GRAMD4: variants seen among roughly 807,000 people sequenced by gnomAD.
GRAMD4 encodes GRAM domain containing 4.
Under a neutral mutation model 83.9 loss-of-function variants are expected in GRAMD4, and 25 were observed. That is an observed-to-expected ratio of 0.30 (90% CI 0.22 to 0.42). The LOEUF (loss-of-function observed/expected upper bound fraction) is 0.42. Among genes scored for constraint, GRAMD4 ranks in the 10% least tolerant of loss-of-function variants. The pLI is 1.00. For missense variants in GRAMD4, 593 were observed against 788.7 expected (o/e 0.75, Z 2.97); for synonymous variants, 336 against 320.9 (o/e 1.05, Z -0.50).
chr22:46,632,758 G>A (rs1006809727), intron 2 of GRAMD4, among the ~76,000 whole-genome samples: 3 of 152,248 alleles, frequency 2.0e-5, no homozygotes, highest in African/African-American at 4.8e-5. Context: ...CCAGGACTGG[G>A]TGGAGACCGT....
At chr22:46,640,596 G>A (rs1000718763) in intron 3 of GRAMD4, among the ~76,000 whole-genome samples, 35 of 152,278 alleles carry the variant, frequency 2.3e-4, no homozygotes, top group African/African-American at 8.2e-4. Flanking sequence ...TTGGTAGCTC[G>A]TGAAGTAAAA....
At chr22:46,576,995 C>CG (rs1291611212), upstream of GRAMD4, 10 of 145,282 alleles carry the variant, frequency 6.9e-5, no homozygotes, top group South Asian at 2.1e-4. Context: ...GGCCGCGGGG[C>CG]GGGGGCGGGG....
downstream of GRAMD4, among the ~76,000 whole-genome samples, chr22:46,680,118 G>A (rs920359726): frequency 6.6e-6 from 1 of 152,210 alleles, no homozygotes; most frequent in Non-Finnish European, 1.5e-5. Flanking sequence ...AGTGGGGGAG[G>A]TTGAGGCAGA....
rs1227567764 is a variant in GRAMD4, at chr22:46,620,915, C to A, written c.-50+350C>A. Among the ~76,000 whole-genome samples the A allele has an allele frequency of 6.6e-6, 1 of 151,764 alleles. No homozygotes were observed. Among genetic ancestry groups the A allele is most frequent in the African/African-American group, 2.4e-5 (1 of 41,372 alleles). ...GAGGCCGATCTGAGAGGGAGGGAGG[C>A]CCATCCGAGAGGGAGGAGGCCGATC... On this transcript the variant is annotated intron_variant, in intron 1 of 18. Transcript: ENST00000406902. The surrounding 1 kb of genome is among the most constrained non-coding windows in gnomAD (Gnocchi z 4.7).
At chr22:46,639,856 T>C (rs1039913810) in intron 3 of GRAMD4, among the ~76,000 whole-genome samples, 2 of 152,160 alleles carry the variant, frequency 1.3e-5, no homozygotes, top group Non-Finnish European at 2.9e-5. Context: ...GAGCCTTAGG[T>C]TGCATAGAGC....
At chr22:46,640,886 A>G (rs1046064380) in intron 3 of GRAMD4, among the ~76,000 whole-genome samples, 2 of 151,098 alleles carry the variant, frequency 1.3e-5, no homozygotes, top group African/African-American at 2.4e-5. Context: ...TTCAGCTGTA[A>G]ATATTTCAGT....
In GRAMD4 at chr22:46,593,610, T is replaced by G. The variant is rs186716035; in HGVS notation, c.-50+16320T>G. Among the ~76,000 whole-genome samples, 66 of 152,322 alleles carry G rather than the reference T, an allele frequency of 4.3e-4. 1 individual carries two copies. Among genetic ancestry groups the G allele is most frequent in the African/African-American group, 1.5e-3 (63 of 41,562 alleles). On this transcript the variant is annotated intron_variant, in intron 1 of 1. Coordinates refer to the GRAMD4 transcript ENST00000431155. ...GGGAGGAGGCTTGTGGGCTGAGACC[T>G]CTTCCCTTTTTCATCATTTGGGCTT...
intron 3 of GRAMD4, among the ~76,000 whole-genome samples, chr22:46,655,271 T>C (rs1319998572): frequency 1.8e-5 from 1 of 56,026 alleles, no homozygotes; most frequent in African/African-American, 6.8e-5. Flanking sequence ...AGGCTGGGAG[T>C]GGGTGGGTGG....
upstream of GRAMD4, among the ~76,000 whole-genome samples, chr22:46,619,648 C>A (rs1056106927): frequency 2.0e-5 from 3 of 152,222 alleles, no homozygotes; most frequent in African/African-American, 7.2e-5. Context: ...CCCGGTCCTC[C>A]TGTTCACTCT....
chr22:46,656,424 GCT>G (rs2082245813), intron 3 of GRAMD4, among the ~76,000 whole-genome samples: 1 of 152,240 alleles, frequency 6.6e-6, no homozygotes, highest in Non-Finnish European at 1.5e-5. Flanking sequence ...ACCCGCGGCT[GCT>G]CCCTGCCTGG....
chr22:46,654,840 G>A lies in GRAMD4; in HGVS notation c.284-3347G>A, dbSNP rs528337661. On this transcript the variant is annotated intron_variant, in intron 3 of 18. Transcript: ENST00000406902. ...GTCCCTCCTCCGGAACCTGTGGGGT[G>A]TGTTGGGCACAAGTCAGGGAGGCCT... Among the ~76,000 whole-genome samples, 3 of 152,352 alleles carry A rather than the reference G, an allele frequency of 2.0e-5. No individual in the cohort carries two copies. In the South Asian group the frequency reaches 6.2e-4, roughly 32 times the overall value.
chr22:46,637,833 C>A lies in GRAMD4; in HGVS notation c.163-7C>A. On this transcript the variant is annotated splice_region_variant and splice_polypyrimidine_tract_variant and intron_variant, in intron 2 of 18. Coordinates refer to ENST00000406902, the MANE Select transcript of GRAMD4 (RefSeq NM_015124.5). ...GCCCCTTTGAGCTTTTGGTGTTTTT[C>A]TTCTAGGCTGGTCCAGGGACCCTCA... 6.2e-7 allele frequency: 1 copy of A among 1,613,862 alleles called. No individual in the cohort carries two copies. The highest frequency in any genetic ancestry group is 8.5e-7 in the Non-Finnish European group (1 of 1,179,830).
intron 3 of GRAMD4, among the ~76,000 whole-genome samples, chr22:46,647,181 G>A (rs1251451354): frequency 6.6e-6 from 1 of 152,168 alleles, no homozygotes; most frequent in Non-Finnish European, 1.5e-5. Flanking sequence ...ACTGTGAGTG[G>A]GTGACCCAGA....
chr22:46,668,941 G>A (rs778097904), intron 13 of GRAMD4, 33 bp downstream of exon 13: 12 of 1,235,694 alleles, frequency 9.7e-6, no homozygotes, highest in Admixed American at 3.4e-5. Flanking sequence ...TGTAGCTTCA[G>A]GAGGAGGGAC....
At chr22:46,617,213 C>T (rs549877587), upstream of GRAMD4, among the ~76,000 whole-genome samples, 587 of 118,938 alleles carry the variant, frequency 4.9e-3, 5 homozygotes, top group African/African-American at 0.018. Context: ...TTCCCCTGTG[C>T]GTGTGGGTTC....
intron 1 of GRAMD4, among the ~76,000 whole-genome samples, chr22:46,607,038 G>A (rs1012908869): frequency 2.2e-4 from 34 of 152,330 alleles, no homozygotes; most frequent in African/African-American, 7.2e-4. Context: ...AATCCAGTGA[G>A]TCCAGAGCTC....
chr22:46,611,723 G>A (rs1246003067), intron 1 of GRAMD4, among the ~76,000 whole-genome samples: 1 of 151,874 alleles, frequency 6.6e-6, no homozygotes, highest in Non-Finnish European at 1.5e-5. Context: ...GGGTGTGGTG[G>A]CTCATGCCTG....
intron 1 of GRAMD4, among the ~76,000 whole-genome samples, chr22:46,604,772 G>A (rs1197171520): frequency 6.6e-6 from 1 of 152,124 alleles, no homozygotes; most frequent in Non-Finnish European, 1.5e-5. Flanking sequence ...GTTCACCCAG[G>A]TCTTGGTGCC....
chr22:46,658,919 G>T (rs937084587), intron 4 of GRAMD4, among the ~76,000 whole-genome samples: 1 of 151,948 alleles, frequency 6.6e-6, no homozygotes, highest in Non-Finnish European at 1.5e-5. Flanking sequence ...GTCCCATGTG[G>T]GACCCTGAGT....
Sources: gnomAD v4.1 joint callset for allele counts (sites outside exome capture counted in the v4.1 genomes callset) on GRCh38, gnomAD v4.1.1 for gene constraint, Gnocchi (gnomAD v3.1) non-coding constraint, MANE v1.5 for transcripts, NCBI Gene and HGNC (gene_info 2026-07-23, HGNC 2026-07-21) for gene names.